The following GNAT3 variants were observed in gnomAD, a reference collection of about 807,000 sequenced individuals.
GNAT3 encodes the protein G protein subunit alpha transducin 3, also known as guanine nucleotide-binding protein G(t) subunit alpha-3.
In GNAT3, 31 loss-of-function variants were observed where a neutral mutation model predicts 37.7. That is an observed-to-expected ratio of 0.82 (90% CI 0.62 to 1.11). GNAT3 has a LOEUF of 1.11. Ranked by LOEUF, GNAT3 falls within the 50% of genes most tolerant of loss-of-function variation. The pLI is 0.00. For synonymous variants in GNAT3, 138 were observed against 139.8 expected (o/e 0.99, Z 0.09); for missense variants, 437 against 412.5 (o/e 1.06, Z -0.51).
chr7:80,506,560 C>T (rs954611340), intron 1 of GNAT3, among the ~76,000 whole-genome samples: 10 of 152,100 alleles, frequency 6.6e-5, no homozygotes, highest in African/African-American at 7.2e-5. Flanking sequence ...CTGTAAATAT[C>T]GGGAACTTTC....
intron 2 of GNAT3, among the ~76,000 whole-genome samples, chr7:80,489,212 C>A (rs576789366): frequency 5.9e-5 from 9 of 152,024 alleles, no homozygotes. Flanking sequence ...CATCTGTGTA[C>A]GTGCCACTGA....
At chr7:80,474,578 C>T (rs113234791) in intron 4 of GNAT3, among the ~76,000 whole-genome samples, 199 bp from the exon 5 acceptor site, 3,173 of 152,184 alleles carry the variant, frequency 0.021, 80 homozygotes, top group African/African-American at 0.058. Context: ...TCTAGACAGG[C>T]GCTTTCCAAA....
At chr7:80,462,062 G>C in intron 7 of GNAT3, 97 bp downstream of exon 7, 1 of 773,042 alleles carries the variant, frequency 1.3e-6, no homozygotes. Context: ...ATGATCATAA[G>C]CCTCATCCTC....
At chr7:80,492,015 T>A (rs1054632922) in intron 2 of GNAT3, among the ~76,000 whole-genome samples, 6 of 152,074 alleles carry the variant, frequency 3.9e-5, no homozygotes, top group African/African-American at 1.4e-4. Context: ...AAAAAGTATC[T>A]ATTTGATCAT....
chr7:80,483,151 G>T (rs767644056), intron 3 of GNAT3, among the ~76,000 whole-genome samples: 3 of 152,080 alleles, frequency 2.0e-5, no homozygotes, highest in African/African-American at 7.2e-5. Flanking sequence ...CAGCATCCTT[G>T]CATGTCAGGC....
At chr7:80,475,576 G>A (rs984133023) in intron 4 of GNAT3, among the ~76,000 whole-genome samples, 8 of 151,836 alleles carry the variant, frequency 5.3e-5, no homozygotes, top group African/African-American at 1.7e-4. Context: ...TGCTTCCATC[G>A]AGACAGAATT....
chr7:80,490,086 T>C (rs1031358323), intron 2 of GNAT3, among the ~76,000 whole-genome samples: 11 of 152,182 alleles, frequency 7.2e-5, no homozygotes, highest in African/African-American at 2.7e-4. Flanking sequence ...CTGAGGTCTG[T>C]TGAAATTAAT....
In GNAT3 at chr7:80,506,910, T is replaced by G. The variant is rs547547883; in HGVS notation, c.118+4899A>C. 7.9e-5 allele frequency among the ~76,000 whole-genome samples: 12 copies of G among 152,210 alleles called. No individual in the cohort carries two copies. In the South Asian group the frequency reaches 2.5e-3, roughly 32 times the overall value. ...ATCCACTCTCAACAGTTTTCAAGAA[T>G]GCAATACGATGTCATTAACTGTAGC... On this transcript the variant is annotated intron_variant, in intron 1 of 7. Coordinates refer to ENST00000398291, the MANE Select transcript of GNAT3 (RefSeq NM_001102386.3).
chr7:80,501,023 A>C (rs1206721194), intron 1 of GNAT3, among the ~76,000 whole-genome samples: 1 of 152,054 alleles, frequency 6.6e-6, no homozygotes, highest in East Asian at 1.9e-4. Flanking sequence ...TTGTTGTCAA[A>C]GTTGTCAAAT....
rs1790828316 is a variant in GNAT3 at position 80,501,272 on chromosome 7, C to A, written c.119-6625G>T. On this transcript the variant is annotated intron_variant, in intron 1 of 7. Transcript: ENST00000398291. ...GTTATGGAAGCCCGCATTTTATACC[C>A]TTCCCCTTTCTGAATTATTTGTCCT... Among the ~76,000 whole-genome samples the A allele has an allele frequency of 2.6e-5, 4 of 151,912 alleles. No homozygotes were observed. In the South Asian group the frequency reaches 8.3e-4, roughly 31 times the overall value.
chr7:80,470,679 C>A (rs4615513), intron 5 of GNAT3, among the ~76,000 whole-genome samples: 1 of 152,004 alleles, frequency 6.6e-6, no homozygotes, highest in East Asian at 1.9e-4. Context: ...GCTCACCTTC[C>A]TATATGATTT....
chr7:80,463,047 A>G (rs578222618), intron 5 of GNAT3, among the ~76,000 whole-genome samples: 7 of 152,296 alleles, frequency 4.6e-5, no homozygotes, highest in Non-Finnish European at 7.4e-5. Flanking sequence ...GTCTTTCTAC[A>G]TTCATTTACT....
chr7:80,479,588 G>A (rs1487185851), intron 3 of GNAT3, among the ~76,000 whole-genome samples: 3 of 151,646 alleles, frequency 2.0e-5, no homozygotes, highest in South Asian at 2.1e-4. Flanking sequence ...GTACATGTCT[G>A]TAGTCCCAGC....
intron 1 of GNAT3, among the ~76,000 whole-genome samples, chr7:80,504,311 TAAAA>T (rs946161181): frequency 4.0e-5 from 6 of 150,554 alleles, no homozygotes; most frequent in African/African-American, 1.5e-4. Flanking sequence ...ACCCTGTCTT[TAAAA>T]AAAAAGAGAG....
Position 80,474,246 on chromosome 7 carries a change from C to T in GNAT3, c.590+5G>A. The T allele has an allele frequency of 6.2e-7, 1 of 1,603,652 alleles. No homozygotes were observed. Among genetic ancestry groups the T allele is most frequent in the Non-Finnish European group, 8.5e-7 (1 of 1,174,368 alleles). On this transcript the variant is annotated splice_donor_5th_base_variant and intron_variant, in intron 5 of 7. Coordinates refer to ENST00000398291, the MANE Select transcript of GNAT3 (RefSeq NM_001102386.3). ...TCTACAGTTAGAAAAGATATTTGATCATACCTGAAGTGCAAGTCTTTAAAG... is the reference window on the plus strand; with the variant it reads ...TCTACAGTTAGAAAAGATATTTGATTATACCTGAAGTGCAAGTCTTTAAAG...
At chr7:80,477,428 T>C (rs776932748) in intron 4 of GNAT3, among the ~76,000 whole-genome samples, 4 of 152,166 alleles carry the variant, frequency 2.6e-5, no homozygotes, top group South Asian at 2.1e-4. Context: ...GAGACACTTA[T>C]GAAAAGTTAT....
intron 1 of GNAT3, among the ~76,000 whole-genome samples, chr7:80,497,599 T>TGC (rs1790749291): frequency 6.7e-5 from 8 of 119,918 alleles, no homozygotes; most frequent in South Asian, 4.5e-4. Flanking sequence ...TATACGTATA[T>TGC]ACATATACGT....
chr7:80,474,677 C>T (rs936934638), intron 4 of GNAT3, among the ~76,000 whole-genome samples: 1 of 152,120 alleles, frequency 6.6e-6, no homozygotes, highest in African/African-American at 2.4e-5. Context: ...CCAGCGTCCT[C>T]TTCTAAAGGC....
At chr7:80,475,926 A>G (rs1209974358) in intron 4 of GNAT3, among the ~76,000 whole-genome samples, 1 of 152,134 alleles carries the variant, frequency 6.6e-6, no homozygotes, top group Non-Finnish European at 1.5e-5. Flanking sequence ...AGAGTGAAAC[A>G]TTAAGATGTA....
Sources: allele counts gnomAD v4.1 joint callset (sites outside exome capture counted in the v4.1 genomes callset), GRCh38; gene constraint gnomAD v4.1.1; transcripts MANE v1.5; gene names NCBI Gene and HGNC (gene_info 2026-07-23, HGNC 2026-07-21).